The following ATP8A2 variants were observed in gnomAD, a reference collection of about 807,000 sequenced individuals.
ATP8A2 encodes the protein phospholipid-transporting ATPase IB.
Under a neutral mutation model 165.6 loss-of-function variants are expected in ATP8A2, and 100 were observed. That is an observed-to-expected ratio of 0.60 (90% CI 0.51 to 0.71). The LOEUF (loss-of-function observed/expected upper bound fraction) is 0.71, where lower values mean the gene tolerates loss of function less well. Among genes scored for constraint, ATP8A2 ranks in the 30% least tolerant of loss-of-function variants. ATP8A2 has a pLI of 0.00. For missense variants in ATP8A2, 1,227 were observed against 1,479.5 expected, an observed-to-expected ratio of 0.83 and a Z score of 2.80; for synonymous variants, 543 against 548.8, an observed-to-expected ratio of 0.99 and a Z score of 0.15.
intron 2 of ATP8A2, among the ~76,000 whole-genome samples, chr13:25,484,334 G>A (rs1372698387): frequency 6.6e-6 from 1 of 152,022 alleles, no homozygotes; most frequent in Non-Finnish European, 1.5e-5. Flanking sequence ...GTCTGCATCT[G>A]TATCTTTCTA....
At chr13:25,716,227 G>A (rs2138005860) in intron 25 of ATP8A2, among the ~76,000 whole-genome samples, 1 of 152,272 alleles carries the variant, frequency 6.6e-6, no homozygotes, top group East Asian at 1.9e-4. Context: ...CTTAATGTCA[G>A]TATCTTATCA....
intron 30 of ATP8A2, 103 bp downstream of exon 30, chr13:25,839,727 C>T (rs1951711649): frequency 1.1e-6 from 1 of 905,240 alleles, no homozygotes; most frequent in Admixed American, 1.9e-5. Context: ...CAAGAGATCA[C>T]AGGAACACAT....
chr13:25,640,606 T>C (rs1379862555), intron 24 of ATP8A2, among the ~76,000 whole-genome samples: 1 of 152,138 alleles, frequency 6.6e-6, no homozygotes, highest in African/African-American at 2.4e-5. Flanking sequence ...ATTGAGGCAA[T>C]AATTAATAGC....
chr13:25,531,408 GA>G (rs1354417046), intron 4 of ATP8A2, among the ~76,000 whole-genome samples: 655 of 33,466 alleles, frequency 0.02, 54 homozygotes, highest in African/African-American at 0.081. Context: ...TTATATATAT[GA>G]TTATATATAT....
chr13:25,885,169 G>A (rs1307148492), intron 33 of ATP8A2, among the ~76,000 whole-genome samples: 3 of 144,452 alleles, frequency 2.1e-5, no homozygotes, highest in African/African-American at 7.8e-5. Flanking sequence ...CTGGAGTGCA[G>A]TGGTGCGATC....
intron 35 of ATP8A2, among the ~76,000 whole-genome samples, chr13:25,993,484 G>A (rs1386812367): frequency 6.6e-6 from 1 of 152,154 alleles, no homozygotes; most frequent in Non-Finnish European, 1.5e-5. Flanking sequence ...AAGTTGTATA[G>A]TTTTATATTT....
chr13:26,015,372 A>T (rs1268600259), intron 36 of ATP8A2, among the ~76,000 whole-genome samples: 3 of 151,332 alleles, frequency 2.0e-5, no homozygotes, highest in African/African-American at 7.3e-5. Flanking sequence ...AGCAGGAAAA[A>T]CTCTAATCTT....
intron 1 of ATP8A2, among the ~76,000 whole-genome samples, chr13:25,375,079 G>A (rs529093152): frequency 6.6e-6 from 1 of 152,330 alleles, no homozygotes; most frequent in East Asian, 1.9e-4. Context: ...CTTGGTGCCA[G>A]TGTGTCTCAT....
At chr13:25,786,296 C>T (rs1216867175) in intron 27 of ATP8A2, among the ~76,000 whole-genome samples, 1 of 152,192 alleles carries the variant, frequency 6.6e-6, no homozygotes, top group African/African-American at 2.4e-5. Context: ...CTTAACTTCT[C>T]AGTTCCAATG....
intron 27 of ATP8A2, among the ~76,000 whole-genome samples, chr13:25,783,972 G>A (rs2044954942): frequency 1.3e-5 from 2 of 152,100 alleles, no homozygotes; most frequent in Admixed American, 1.3e-4. Context: ...GAGAGGACAG[G>A]GAAGAGGTAG....
At position 25,700,520 on chromosome 13, in the gene ATP8A2, T is replaced by G. The variant is rs1021287560; in HGVS notation, c.2384+1175T>G. ...TTTTCTGACTTCTCTCCATCCCTGT[T>G]GTTTCATGTGTCAGTACTTCCTTCT... On this transcript the variant is annotated intron_variant, in intron 25 of 36. Transcript: ENST00000381655. 2.6e-5 allele frequency among the ~76,000 whole-genome samples: 4 copies of G among 152,226 alleles called. No homozygotes were observed. The East Asian group carries it at 7.7e-4, about 29-fold the overall frequency.
At chr13:25,679,749 G>A (rs1000758024) in intron 24 of ATP8A2, among the ~76,000 whole-genome samples, 5 of 152,326 alleles carry the variant, frequency 3.3e-5, no homozygotes, top group Middle Eastern at 3.4e-3. Flanking sequence ...AGGCCTGGGC[G>A]AAGGATACCA....
chr13:25,751,476 G>A (rs909229846), intron 25 of ATP8A2, among the ~76,000 whole-genome samples: 2 of 151,762 alleles, frequency 1.3e-5, no homozygotes, highest in African/African-American at 4.8e-5. Flanking sequence ...TAAGAGACAG[G>A]GTCTCACTCT....
At chr13:25,624,253 G>T (rs1006051698) in intron 24 of ATP8A2, among the ~76,000 whole-genome samples, 8 of 152,106 alleles carry the variant, frequency 5.3e-5, no homozygotes, top group Non-Finnish European at 5.9e-5. Context: ...CTGATATATG[G>T]CATTTATGAC....
intron 25 of ATP8A2, among the ~76,000 whole-genome samples, chr13:25,731,240 GAGAGGAAGGA>G (rs1199762849): frequency 2.0e-5 from 3 of 147,798 alleles, no homozygotes; most frequent in South Asian, 4.3e-4. Context: ...GAAAGAGAGA[GAGAGGAAGGA>G]AGGAAGGAAG....
intron 33 of ATP8A2, among the ~76,000 whole-genome samples, chr13:25,940,388 A>C (rs982803398): frequency 3.3e-5 from 5 of 151,996 alleles, no homozygotes; most frequent in Non-Finnish European, 5.9e-5. Flanking sequence ...TCCTCACCCC[A>C]GGGCCTCCCT....
At chr13:25,439,023 G>A (rs977351227) in intron 1 of ATP8A2, among the ~76,000 whole-genome samples, 3 of 152,192 alleles carry the variant, frequency 2.0e-5, no homozygotes, top group Non-Finnish European at 4.4e-5. Context: ...GTCCATTAGA[G>A]GAGATAAATT....
chr13:25,731,352 G>A (rs1030672172), intron 25 of ATP8A2, among the ~76,000 whole-genome samples: 74 of 141,264 alleles, frequency 5.2e-4, no homozygotes, highest in Non-Finnish European at 1.0e-3. Context: ...GAAGAAAGAA[G>A]GAAAGAGAGA....
chr13:25,990,898 C>T (rs887759565), intron 35 of ATP8A2, among the ~76,000 whole-genome samples: 2 of 152,130 alleles, frequency 1.3e-5, no homozygotes, highest in African/African-American at 4.8e-5. Flanking sequence ...AGCCAGGTGC[C>T]CTGCTAATTT....
Sources: gnomAD v4.1 joint callset for allele counts (sites outside exome capture counted in the v4.1 genomes callset) on GRCh38, gnomAD v4.1.1 for gene constraint, MANE v1.5 for transcripts, NCBI Gene and HGNC (gene_info 2026-07-23, HGNC 2026-07-21) for gene names.